ADGRL2: variants seen among roughly 807,000 people sequenced by gnomAD.
ADGRL2 encodes calcium-independent alpha-latrotoxin receptor 2.
In ADGRL2, 44 loss-of-function variants were observed where a neutral mutation model predicts 157.4. The observed-to-expected ratio is 0.28, with a 90% CI of 0.22 to 0.36. ADGRL2 has a LOEUF of 0.36. Among genes scored for constraint, ADGRL2 ranks in the 10% least tolerant of loss-of-function variants. The probability of loss-of-function intolerance (pLI) is 1.00; values close to 1 mark genes in which losing one functional copy is unlikely to be tolerated. For synonymous variants in ADGRL2, 585 were observed against 624.7 expected (o/e 0.94, Z 0.95); for missense variants, 1,510 against 1,768.9 (o/e 0.85, Z 2.63).
chr1:81,486,211 C>A (rs905543318), intron 2 of ADGRL2, among the ~76,000 whole-genome samples: 3 of 152,120 alleles, frequency 2.0e-5, no homozygotes, highest in African/African-American at 7.2e-5. Flanking sequence ...CCTATGTGCA[C>A]ATTTTTCTCT....
At chr1:81,733,699 G>A (rs2084801775) in intron 1 of ADGRL2, among the ~76,000 whole-genome samples, 1 of 152,134 alleles carries the variant, frequency 6.6e-6, no homozygotes, top group South Asian at 2.1e-4. Flanking sequence ...GTGAGTGGAA[G>A]AGCATCCTTC....
At chr1:81,757,824 C>T (rs931125694) in intron 1 of ADGRL2, among the ~76,000 whole-genome samples, 2 of 152,164 alleles carry the variant, frequency 1.3e-5, no homozygotes, top group Non-Finnish European at 2.9e-5. Flanking sequence ...TTTGAAAGGG[C>T]GCAAGCTCCA....
chr1:81,664,408 T>C (rs1471537059), intron 3 of ADGRL2, among the ~76,000 whole-genome samples: 2 of 152,188 alleles, frequency 1.3e-5, no homozygotes, highest in Non-Finnish European at 2.9e-5. Context: ...GAGAAACCCA[T>C]AATTCTACTT....
intron 1 of ADGRL2, among the ~76,000 whole-genome samples, chr1:81,400,453 A>G (rs1313292515): frequency 6.6e-6 from 1 of 152,044 alleles, no homozygotes; most frequent in Non-Finnish European, 1.5e-5. Context: ...TGTAACTGTG[A>G]TTTTACCCCG....
chr1:81,397,291 G>A (rs4650536), intron 1 of ADGRL2, among the ~76,000 whole-genome samples: 22,940 of 138,510 alleles, frequency 0.17, 1,947 homozygotes, highest in Non-Finnish European at 0.18. Context: ...TTGTATTTCT[G>A]TGGTATTAGT....
chr1:81,582,088 C>T (rs549755323), intron 3 of ADGRL2, among the ~76,000 whole-genome samples: 3 of 151,874 alleles, frequency 2.0e-5, no homozygotes, highest in South Asian at 2.1e-4. Context: ...GGCGTGGTGG[C>T]GCATACCTGT....
intron 1 of ADGRL2, among the ~76,000 whole-genome samples, chr1:81,402,822 A>G (rs1273040329): frequency 1.3e-5 from 2 of 152,142 alleles, no homozygotes; most frequent in African/African-American, 2.4e-5. Flanking sequence ...AGCTCCCACC[A>G]TCACCCCCAA....
chr1:81,446,853 G>A (rs1445970180), intron 2 of ADGRL2, among the ~76,000 whole-genome samples: 3 of 152,028 alleles, frequency 2.0e-5, no homozygotes, highest in Admixed American at 1.3e-4. Context: ...GATATCATTT[G>A]TTATATTTAA....
At chr1:81,662,709 AG>A (rs1301558578) in intron 3 of ADGRL2, among the ~76,000 whole-genome samples, 6 of 151,206 alleles carry the variant, frequency 4.0e-5, no homozygotes, top group African/African-American at 1.5e-4. Flanking sequence ...TGCCCACCAC[AG>A]TGCCCGGCTA....
rs1188416160 is a variant in ADGRL2, at chr1:81,442,599, T to TGG, written c.-301-2437_-301-2436insGG. The stretch of plus-strand genomic sequence containing the variant: ...GTCTATGTAGGAAATTTTCCTTTGT[T>TGG]ACCTGTCATAGAACCTTTACAGTTA... On this transcript the variant is annotated intron_variant, in intron 1 of 24. Coordinates refer to the ADGRL2 transcript ENST00000370721. Among the ~76,000 whole-genome samples the TGG allele has an allele frequency of 1.3e-4, 20 of 152,346 alleles. No individual in the cohort carries two copies. The South Asian group carries it at 4.1e-3, about 32-fold the overall frequency.
At chr1:81,935,005 A>C (rs1431341286) in intron 3 of ADGRL2, among the ~76,000 whole-genome samples, 1 of 152,014 alleles carries the variant, frequency 6.6e-6, no homozygotes, top group Non-Finnish European at 1.5e-5. Flanking sequence ...CAAAAGTTTA[A>C]AAAAGAAGAA....
intron 2 of ADGRL2, among the ~76,000 whole-genome samples, chr1:81,782,868 G>GT: frequency 6.6e-6 from 1 of 152,292 alleles, no homozygotes; most frequent in East Asian, 1.9e-4. Flanking sequence ...AAACAGGACT[G>GT]TATCTACCTG....
chr1:81,525,711 G>C (rs2079438956), intron 2 of ADGRL2, among the ~76,000 whole-genome samples: 1 of 152,136 alleles, frequency 6.6e-6, no homozygotes, highest in Non-Finnish European at 1.5e-5. Context: ...ACTTTAGTGA[G>C]AGTATTTATC....
At chr1:81,847,422 A>G (rs1246310200) in intron 2 of ADGRL2, among the ~76,000 whole-genome samples, 1 of 151,934 alleles carries the variant, frequency 6.6e-6, no homozygotes, top group African/African-American at 2.4e-5. Context: ...TGTTTGGTCT[A>G]GAAAATGAGA....
intron 1 of ADGRL2, among the ~76,000 whole-genome samples, chr1:81,350,688 G>T (rs898226090): frequency 6.6e-6 from 1 of 152,120 alleles, no homozygotes; most frequent in African/African-American, 2.4e-5. Context: ...ATAAAGCAGG[G>T]TTGTGATACT....
At chr1:81,570,870 G>C (rs765186378) in intron 2 of ADGRL2, among the ~76,000 whole-genome samples, 33 of 152,082 alleles carry the variant, frequency 2.2e-4, no homozygotes, top group Non-Finnish European at 3.8e-4. Flanking sequence ...GACATTCACA[G>C]ATTACTTCTG....
At chr1:81,336,931 A>G (rs1412640545) in intron 1 of ADGRL2, among the ~76,000 whole-genome samples, 1 of 151,820 alleles carries the variant, frequency 6.6e-6, no homozygotes, top group African/African-American at 2.4e-5. Flanking sequence ...GCAGCAGAGA[A>G]GGAAAGAAGA....
At chr1:81,865,610 GA>G (rs2093519933) in intron 2 of ADGRL2, among the ~76,000 whole-genome samples, 1 of 152,104 alleles carries the variant, frequency 6.6e-6, no homozygotes, top group Non-Finnish European at 1.5e-5. Context: ...CATTTCTCCT[GA>G]GAGATACCCA....
At chr1:81,748,093 T>G (rs2085360307) in intron 1 of ADGRL2, among the ~76,000 whole-genome samples, 1 of 152,200 alleles carries the variant, frequency 6.6e-6, no homozygotes. Context: ...TTCTTTTAAC[T>G]AATAGTATCA....
Sources: allele counts gnomAD v4.1 joint callset (sites outside exome capture counted in the v4.1 genomes callset), GRCh38; gene constraint gnomAD v4.1.1; transcripts MANE v1.5; gene names NCBI Gene and HGNC (gene_info 2026-07-23, HGNC 2026-07-21).